Variants in MAX observed in about 807,000 individuals in gnomAD.
MAX encodes the protein MYC associated transcriptional regulator X.
MAX carries 3 observed loss-of-function variants against 22.3 expected under a neutral mutation model. That is an observed-to-expected ratio of 0.13 (90% confidence interval 0.06 to 0.35). The LOEUF is 0.35. Among genes scored for constraint, MAX ranks in the 10% least tolerant of loss-of-function variants. The pLI is 1.00. For missense variants in MAX, 119 were observed against 209.4 expected, an observed-to-expected ratio of 0.57 and a Z score of 2.66; for synonymous variants, 72 against 77.7, an observed-to-expected ratio of 0.93 and a Z score of 0.39.
intron 3 of MAX, among the ~76,000 whole-genome samples, chr14:65,051,076 GCAGCCAGC>G (rs2062596975): frequency 6.6e-6 from 1 of 152,232 alleles, no homozygotes; most frequent in South Asian, 2.1e-4. Context: ...CATGTGGCCT[GCAGCCAGC>G]CTGAGATGGG....
At position 65,032,659 on chromosome 14, in the gene MAX, C is replaced by G; in HGVS notation, c.172-26375G>C. 6.2e-7 allele frequency: 1 copy of G among 1,613,980 alleles called. No individual in the cohort carries two copies. The highest frequency in any genetic ancestry group is 8.5e-7 in the Non-Finnish European group (1 of 1,180,018). On this transcript the variant is annotated intron_variant, in intron 3 of 3. Transcript: ENST00000341653. This position sits in a 1 kb window ranked among gnomAD's most constrained non-coding sequence, Gnocchi z 5.0. ...AGCCTCGCTGACCAACATCATCACTCCAGACCTCTTTGAGGGCACTGCTGA... is the reference window on the plus strand; with the variant it reads ...AGCCTCGCTGACCAACATCATCACTGCAGACCTCTTTGAGGGCACTGCTGA...
In MAX at chr14:65,075,486, G is replaced by A; in HGVS notation, c.*990C>T. The A allele has an allele frequency of 4.7e-6, 5 of 1,064,314 alleles. No individual in the cohort carries two copies. The highest frequency in any genetic ancestry group is 5.7e-6 in the Non-Finnish European group (5 of 878,500). The allele number at this position is 1,064,314 out of a possible 1,614,324, so 65.9% of individuals were successfully genotyped here. On this transcript the variant is annotated 3_prime_UTR_variant, in exon 5 of 5. Coordinates refer to ENST00000358664, the MANE Select transcript of MAX (RefSeq NM_002382.5). The surrounding 1 kb of genome is among the most constrained non-coding windows in gnomAD (Gnocchi z 4.1). ...GTTTAGTACCAGGTAAATTGCTCTTGGTATTTACATACAAAATCAGTTGGC... is the reference window on the plus strand; with the variant it reads ...GTTTAGTACCAGGTAAATTGCTCTTAGTATTTACATACAAAATCAGTTGGC...
Position 65,027,489 on chromosome 14 carries a change from A to G in MAX, c.172-21205T>C. ...TCCTGGAGCTGTGTCAGAGCCCAGA[A>G]GGTGGCTTTGGAGGAGGACCCGGTC... On this transcript the variant is annotated intron_variant, in intron 3 of 3. Coordinates refer to the MAX transcript ENST00000341653. This position sits in a 1 kb window ranked among gnomAD's most constrained non-coding sequence, Gnocchi z 5.7. 1 of 1,614,236 alleles carries G rather than the reference A, an allele frequency of 6.2e-7. No homozygotes were observed. Among genetic ancestry groups the G allele is most frequent in the African/African-American group, 1.3e-5 (1 of 75,056 alleles).
chr14:65,036,972 G>T (rs2062206404), intron 3 of MAX, among the ~76,000 whole-genome samples: 1 of 152,104 alleles, frequency 6.6e-6, no homozygotes, highest in Non-Finnish European at 1.5e-5. Flanking sequence ...ACTTGATGAT[G>T]AATCTTGATG....
At chr14:65,022,226 T>C (rs1265378500) in intron 3 of MAX, 3 of 368,490 alleles carry the variant, frequency 8.1e-6, no homozygotes, top group Non-Finnish European at 1.6e-5. Context: ...CATCCCCTCC[T>C]AAGCCGTTCT....
At position 65,076,688 on chromosome 14, in the gene MAX, T is replaced by C. The variant is rs766364903; in HGVS notation, c.296-25A>G. 1 of 1,614,106 alleles carries C rather than the reference T, an allele frequency of 6.2e-7. No homozygotes were observed. Among genetic ancestry groups the C allele is most frequent in the South Asian group, 1.1e-5 (1 of 91,076 alleles). ...ACTAAAAGGCAACCAAGGGAGTGTG[T>C]TACTGCCTTCTGGAGACTTGGGGAG... On this transcript the variant is annotated intron_variant, in intron 4 of 4. Coordinates refer to ENST00000358664, the MANE Select transcript of MAX (RefSeq NM_002382.5). This position sits in a 1 kb window ranked among gnomAD's most constrained non-coding sequence, Gnocchi z 6.6.
rs2061733567 is a variant in MAX at position 65,014,349 on chromosome 14, G to GT, written c.172-8066dup. On this transcript the variant is annotated intron_variant, in intron 3 of 3. Coordinates refer to the MAX transcript ENST00000341653. This position sits in a 1 kb window ranked among gnomAD's most constrained non-coding sequence, Gnocchi z 5.1. ...TTTCCTAGCTCCCCAGGCAGAATTA[G>GT]TCAGTCTCTTCCACGTGCTCCCTCA... 6.6e-6 allele frequency among the ~76,000 whole-genome samples: 1 copy of GT among 152,188 alleles called. No individual in the cohort carries two copies. Among genetic ancestry groups the GT allele is most frequent in the South Asian group, 2.1e-4 (1 of 4,832 alleles).
Position 65,044,922 on chromosome 14 carries a change from C to T in MAX, c.172-38638G>A, listed in dbSNP as rs571672562. Among the ~76,000 whole-genome samples, 11 of 152,258 alleles carry T rather than the reference C, an allele frequency of 7.2e-5. No homozygotes were observed. In the East Asian group the frequency reaches 2.1e-3, roughly 29 times the overall value. On this transcript the variant is annotated intron_variant, in intron 3 of 3. Coordinates refer to the MAX transcript ENST00000341653. The surrounding 1 kb of genome is among the most constrained non-coding windows in gnomAD (Gnocchi z 5.5). ...GGGTTGTAGGGGTGGGTTGCCCCTA[C>T]ACCATGGAGAAGAGACTCGCCGTGT... is the stretch of plus-strand genomic sequence containing the variant.
intron 3 of MAX, among the ~76,000 whole-genome samples, chr14:65,064,529 G>C (rs187682551): frequency 6.6e-6 from 1 of 152,172 alleles, no homozygotes; most frequent in African/African-American, 2.4e-5. Flanking sequence ...ACATCCTGTT[G>C]GGGTCAGGTT....
chr14:65,053,197 T>C, intron 3 of MAX: 1 of 1,323,138 alleles, frequency 7.6e-7, no homozygotes, highest in Non-Finnish European at 9.8e-7. Context: ...GATACTTGGC[T>C]GGATCTGCCG....
intron 3 of MAX, among the ~76,000 whole-genome samples, chr14:65,089,745 T>C (rs1440190390): frequency 1.3e-5 from 1 of 76,010 alleles, no homozygotes; most frequent in Non-Finnish European, 2.6e-5. Flanking sequence ...TCTATAAAAG[T>C]AGCATCTCTG....
intron 2 of MAX, among the ~76,000 whole-genome samples, chr14:65,098,958 C>A (rs931620930): frequency 6.6e-6 from 1 of 152,084 alleles, no homozygotes; most frequent in Non-Finnish European, 1.5e-5. Context: ...TCCACAGAAC[C>A]CTTTTCAAAT....
chr14:65,041,284 AC>A (rs1223101014), intron 3 of MAX, among the ~76,000 whole-genome samples: 4 of 152,302 alleles, frequency 2.6e-5, no homozygotes, highest in Non-Finnish European at 4.4e-5. Flanking sequence ...TCGAAACCAA[AC>A]TTTTATTACC....
At chr14:65,060,162 A>G (rs920148842) in intron 3 of MAX, among the ~76,000 whole-genome samples, 5 of 152,018 alleles carry the variant, frequency 3.3e-5, no homozygotes, top group Admixed American at 2.6e-4. Flanking sequence ...ATGTAAATAC[A>G]TGTTTATTGT....
downstream of MAX, among the ~76,000 whole-genome samples, chr14:65,073,040 T>G (rs763857339): frequency 6.6e-6 from 1 of 152,238 alleles, no homozygotes; most frequent in Non-Finnish European, 1.5e-5. Context: ...ACATGCTTTG[T>G]GTAGATAATG....
At chr14:65,050,627 G>C (rs145339556) in intron 3 of MAX, among the ~76,000 whole-genome samples, 1 of 152,272 alleles carries the variant, frequency 6.6e-6, no homozygotes, top group East Asian at 1.9e-4. Context: ...GCTGGAGGTG[G>C]TATAGCAAAA....
chr14:65,041,567 A>T (rs2062354800), intron 3 of MAX, among the ~76,000 whole-genome samples: 1 of 152,188 alleles, frequency 6.6e-6, no homozygotes, highest in Non-Finnish European at 1.5e-5. Context: ...CCTGACCATG[A>T]CGTCAAAGCA....
chr14:65,084,289 AG>A lies in MAX; in HGVS notation c.172-6254del, dbSNP rs756875895. ...GACAGGAGTACACAATTTCCAAAAG[AG>A]GAAATAGAGCTAGTAAATAAACATG... is the stretch of plus-strand genomic sequence containing the variant. On this transcript the variant is annotated intron_variant, in intron 3 of 4. Coordinates refer to ENST00000358664, the MANE Select transcript of MAX (RefSeq NM_002382.5). This position sits in a 1 kb window ranked among gnomAD's most constrained non-coding sequence, Gnocchi z 4.3. 18 of 1,546,002 alleles carry A rather than the reference AG, an allele frequency of 1.2e-5. No individual in the cohort carries two copies. In the East Asian group the frequency reaches 4.0e-4, roughly 35 times the overall value.
chr14:65,041,637 T>G (rs1437001084), intron 3 of MAX, among the ~76,000 whole-genome samples: 1 of 152,210 alleles, frequency 6.6e-6, no homozygotes, highest in Non-Finnish European at 1.5e-5. Context: ...CCTCCCGTTA[T>G]GCGGCCCATC....
Sources: gnomAD v4.1 joint callset for allele counts (sites outside exome capture counted in the v4.1 genomes callset) on GRCh38, gnomAD v4.1.1 for gene constraint, Gnocchi (gnomAD v3.1) non-coding constraint, MANE v1.5 for transcripts, NCBI Gene and HGNC (gene_info 2026-07-23, HGNC 2026-07-21) for gene names.